Variants in CEP70 observed in about 807,000 individuals in gnomAD.
The protein encoded by CEP70 is centrosomal protein of 70 kDa.
Under a neutral mutation model 90.9 loss-of-function variants are expected in CEP70, and 70 were observed. The observed-to-expected ratio is 0.77, with a 90% CI of 0.64 to 0.94. The LOEUF is 0.94. Among genes scored for constraint, CEP70 ranks in the 40% least tolerant of loss-of-function variants. The probability of loss-of-function intolerance (pLI) is 0.00; values close to 1 mark genes in which losing one functional copy is unlikely to be tolerated. For missense variants in CEP70, 648 were observed against 669.0 expected (o/e 0.97, Z 0.35); for synonymous variants, 220 against 228.3 (o/e 0.96, Z 0.33).
chr3:138,580,198 A>G (rs1207062336), intron 2 of CEP70, among the ~76,000 whole-genome samples: 1 of 152,128 alleles, frequency 6.6e-6, no homozygotes, highest in Non-Finnish European at 1.5e-5. Context: ...AGTAGAATAG[A>G]GCACCAGGTA....
At chr3:138,559,081 C>T (rs1277789360) in intron 6 of CEP70, among the ~76,000 whole-genome samples, 1 of 152,014 alleles carries the variant, frequency 6.6e-6, no homozygotes, top group Non-Finnish European at 1.5e-5. Context: ...TTCAGAGACA[C>T]AAAACAGATA....
At chr3:138,530,999 T>A (rs2037762274) in intron 8 of CEP70, 1 of 191,712 alleles carries the variant, frequency 5.2e-6, no homozygotes, top group Admixed American at 6.5e-5. Context: ...TATTATTTAT[T>A]AATGTATCTC....
intron 2 of CEP70, among the ~76,000 whole-genome samples, chr3:138,586,118 A>G (rs997887593): frequency 2.3e-4 from 35 of 152,258 alleles, no homozygotes; most frequent in African/African-American, 8.2e-4. Flanking sequence ...ATATTTGTAA[A>G]CTACCCATCT....
chr3:138,588,260 T>A (rs906095871), intron 2 of CEP70, among the ~76,000 whole-genome samples: 2 of 152,172 alleles, frequency 1.3e-5, no homozygotes, highest in African/African-American at 4.8e-5. Flanking sequence ...AAAAATAATG[T>A]CTGCTCTTTA....
chr3:138,508,269 T>C (rs902216598), intron 12 of CEP70, among the ~76,000 whole-genome samples, 170 bp downstream of exon 12: 1 of 152,200 alleles, frequency 6.6e-6, no homozygotes, highest in Non-Finnish European at 1.5e-5. Flanking sequence ...AGACGAATTC[T>C]ACAATGTTTT....
intron 11 of CEP70, among the ~76,000 whole-genome samples, chr3:138,525,039 A>T (rs1371068657): frequency 1.3e-5 from 2 of 152,184 alleles, no homozygotes; most frequent in Non-Finnish European, 2.9e-5. Context: ...GATAGACTGG[A>T]TTAAGAAAAT....
intron 6 of CEP70, among the ~76,000 whole-genome samples, chr3:138,560,991 A>G (rs550772473): frequency 3.3e-5 from 5 of 152,320 alleles, no homozygotes; most frequent in Admixed American, 6.5e-5. Context: ...AGAGAGCAGC[A>G]GATCTCCTAG....
At chr3:138,533,999 T>C (rs980718882) in intron 7 of CEP70, among the ~76,000 whole-genome samples, 1 of 152,166 alleles carries the variant, frequency 6.6e-6, no homozygotes, top group Non-Finnish European at 1.5e-5. Context: ...TTAGCCAGGA[T>C]GGTCTCGATC....
At chr3:138,560,372 C>T (rs1044089336) in intron 6 of CEP70, among the ~76,000 whole-genome samples, 3 of 152,166 alleles carry the variant, frequency 2.0e-5, no homozygotes, top group Non-Finnish European at 2.9e-5. Context: ...ACCTGCAGAC[C>T]GGAAGATTCC....
rs1447918447 is a variant in CEP70, at chr3:138,591,927, C to T, written c.-79G>A. The stretch of plus-strand genomic sequence containing the variant: ...TGATCTCAATGAAATGATCACCCAA[C>T]GAGTCTCATGTCTGAAACTGGATCT... On this transcript the variant is annotated 5_prime_UTR_variant, in exon 2 of 18. Transcript: ENST00000264982. 2.6e-5 allele frequency: 33 copies of T among 1,268,692 alleles called. No individual in the cohort carries two copies. Among genetic ancestry groups the T allele is most frequent in the Admixed American group, 2.8e-5 (1 of 36,184 alleles). 78.6% of individuals were successfully genotyped at this position (1,268,692 alleles called of 1,614,324 possible). A position where few individuals can be genotyped will look rare whatever the true frequency, so the allele number is the denominator to read the frequency against.
chr3:138,583,259 A>G (rs1354553848), intron 2 of CEP70, among the ~76,000 whole-genome samples: 1 of 152,214 alleles, frequency 6.6e-6, no homozygotes, highest in South Asian at 2.1e-4. Context: ...CAGCAAGAGT[A>G]TGTAACAATT....
intron 2 of CEP70, among the ~76,000 whole-genome samples, chr3:138,586,479 G>A (rs2108268124): frequency 6.6e-6 from 1 of 152,290 alleles, no homozygotes; most frequent in South Asian, 2.1e-4. Context: ...ATACATAATG[G>A]AGTACTACTC....
chr3:138,559,570 T>C (rs530314380), intron 6 of CEP70, among the ~76,000 whole-genome samples: 1 of 152,144 alleles, frequency 6.6e-6, no homozygotes, highest in East Asian at 1.9e-4. Context: ...CCATCTCTAC[T>C]AAACATACAA....
chr3:138,575,881 C>A (rs2041485842), intron 2 of CEP70, among the ~76,000 whole-genome samples: 1 of 152,188 alleles, frequency 6.6e-6, no homozygotes, highest in Non-Finnish European at 1.5e-5. Flanking sequence ...AAATAAAATC[C>A]TTTACAGACA....
chr3:138,501,386 C>T (rs371300545), intron 13 of CEP70, among the ~76,000 whole-genome samples: 11 of 152,140 alleles, frequency 7.2e-5, no homozygotes, highest in East Asian at 3.8e-4. Context: ...AATTTCAGAA[C>T]ATATTCATTA....
At chr3:138,538,009 C>T (rs2038431255) in intron 6 of CEP70, among the ~76,000 whole-genome samples, 1 of 152,042 alleles carries the variant, frequency 6.6e-6, no homozygotes. Flanking sequence ...AACTGTGATG[C>T]CTCTCCCCTA....
At chr3:138,544,178 T>C (rs2038993515) in intron 6 of CEP70, among the ~76,000 whole-genome samples, 1 of 152,080 alleles carries the variant, frequency 6.6e-6, no homozygotes, top group South Asian at 2.1e-4. Context: ...AAATGTTTTT[T>C]TGTAAATCTC....
intron 2 of CEP70, among the ~76,000 whole-genome samples, chr3:138,589,581 C>A (rs1179294332): frequency 6.6e-6 from 1 of 151,850 alleles, no homozygotes; most frequent in Non-Finnish European, 1.5e-5. Flanking sequence ...CTGCTTGAAC[C>A]CAGGAGGTGG....
At chr3:138,495,624 G>C (rs1327347522) in intron 17 of CEP70, among the ~76,000 whole-genome samples, 1 of 152,160 alleles carries the variant, frequency 6.6e-6, no homozygotes, top group Non-Finnish European at 1.5e-5. Flanking sequence ...GGCCGAGACG[G>C]GAAGATCATC....
Sources: allele counts gnomAD v4.1 joint callset (sites outside exome capture counted in the v4.1 genomes callset), GRCh38; gene constraint gnomAD v4.1.1; transcripts MANE v1.5; gene names NCBI Gene and HGNC (gene_info 2026-07-23, HGNC 2026-07-21).